Variants in ZFP1 observed in about 807,000 individuals in gnomAD.
ZFP1 encodes the protein ZFP1 zinc finger protein.
A neutral mutation model predicts 38.5 loss-of-function variants in ZFP1; 32 were observed. The ratio of observed to expected loss-of-function variants is 0.83; its 90% CI spans 0.63 to 1.12. The LOEUF (loss-of-function observed/expected upper bound fraction) is 1.12. ZFP1 is among the 50% of genes most tolerant of loss of function. ZFP1 has a pLI of 0.00. For missense variants in ZFP1, 616 were observed against 480.8 expected, an observed-to-expected ratio of 1.28 and a Z score of -2.63; for synonymous variants, 245 against 168.8, an observed-to-expected ratio of 1.45 and a Z score of -3.50.
At chr16:75,140,233 A>G in the ZFP1 span, among the ~76,000 whole-genome samples, 2 of 151,086 alleles carry the variant, frequency 1.3e-5, no homozygotes, top group African/African-American at 4.9e-5. Context: ...ACGCCATTGC[A>G]CTCCAGCCTG....
In ZFP1 at chr16:75,167,783, G is replaced by C. The variant is rs946968014; in HGVS notation, c.142+887G>C. On this transcript the variant is annotated intron_variant, in intron 3 of 3. Coordinates refer to ENST00000570010, the MANE Select transcript of ZFP1 (RefSeq NM_153688.4). Reference sequence around the variant, plus strand: ...CTGCTAATTATTTTTTACTTTTGTAGAGACAAGTTCTCTGTAGAACTCCTG... The same window carrying C: ...CTGCTAATTATTTTTTACTTTTGTACAGACAAGTTCTCTGTAGAACTCCTG... Among the ~76,000 whole-genome samples the C allele has an allele frequency of 3.3e-5, 5 of 151,836 alleles. No homozygotes were observed. The East Asian group carries it at 9.7e-4, about 30-fold the overall frequency.
intron 3 of ZFP1, among the ~76,000 whole-genome samples, chr16:75,168,539 C>T (rs2038226438): frequency 1.6e-5 from 1 of 63,238 alleles, no homozygotes; most frequent in Admixed American, 2.0e-4. Flanking sequence ...CTCCCAGCAA[C>T]TTCAGTAGAA....
intron 2 of ZFP1, among the ~76,000 whole-genome samples, chr16:75,164,805 A>C (rs182158122): frequency 1.3e-5 from 1 of 76,018 alleles, no homozygotes; most frequent in Non-Finnish European, 2.6e-5. Flanking sequence ...TTTAGTTTCC[A>C]TAAGTTTTTT....
At chr16:75,165,046 C>A (rs1312140270) in intron 2 of ZFP1, among the ~76,000 whole-genome samples, 1 of 152,084 alleles carries the variant, frequency 6.6e-6, no homozygotes, top group African/African-American at 2.4e-5. Flanking sequence ...CTCAGGTGAT[C>A]CACCCACTTC....
rs1313715423 is a variant in ZFP1, at chr16:75,171,573, T to A, written c.*1239T>A. On this transcript the variant is annotated 3_prime_UTR_variant, in exon 4 of 4. Transcript: ENST00000570010. The stretch of plus-strand genomic sequence containing the variant: ...TGGTCTCTCCAGATATTAACAAGAA[T>A]TGTTGTGTAACTCAAAGATTTGCTT... 1.3e-5 allele frequency: 2 copies of A among 152,356 alleles called. No homozygotes were observed. The highest frequency in any genetic ancestry group is 3.9e-4 in the East Asian group (2 of 5,194). 9.4% of individuals were successfully genotyped at this position (152,356 alleles called of 1,614,324 possible). A position where few individuals can be genotyped will look rare whatever the true frequency, so the allele number is the denominator to read the frequency against.
chr16:75,140,103 T>C, the ZFP1 span, among the ~76,000 whole-genome samples: 3 of 152,090 alleles, frequency 2.0e-5, no homozygotes, highest in African/African-American at 7.2e-5. Context: ...ACCCCGTCTC[T>C]ACTAAAAACA....
At chr16:75,153,020 A>G in intron 2 of ZFP1, 54 bp downstream of exon 2, 2 of 1,600,948 alleles carry the variant, frequency 1.2e-6, no homozygotes. Flanking sequence ...AAGGAAGTTT[A>G]TAAGGATCCA....
chr16:75,154,141 G>A (rs1038985506), intron 2 of ZFP1, among the ~76,000 whole-genome samples: 16 of 152,242 alleles, frequency 1.1e-4, no homozygotes, highest in African/African-American at 3.4e-4. Context: ...GGAGAATGGC[G>A]TGAAGCCAGG....
At chr16:75,141,456 C>T in the ZFP1 span, among the ~76,000 whole-genome samples, 3,794 of 151,902 alleles carry the variant, frequency 0.025, 153 homozygotes, top group African/African-American at 0.087. Flanking sequence ...CCGCCCGCCT[C>T]GGCCTCCCAA....
chr16:75,154,727 G>A (rs1035309475), intron 2 of ZFP1, among the ~76,000 whole-genome samples: 3 of 152,068 alleles, frequency 2.0e-5, no homozygotes, highest in Non-Finnish European at 2.9e-5. Context: ...GAGTTTCTAC[G>A]GCCCTGCATC....
At chr16:75,163,228 A>G (rs1225437315) in intron 2 of ZFP1, among the ~76,000 whole-genome samples, 1 of 151,960 alleles carries the variant, frequency 6.6e-6, no homozygotes, top group Non-Finnish European at 1.5e-5. Context: ...TATTACAAAA[A>G]TCATACATTA....
intron 2 of ZFP1, among the ~76,000 whole-genome samples, chr16:75,165,012 T>C (rs2145565924): frequency 6.6e-6 from 1 of 152,178 alleles, no homozygotes; most frequent in South Asian, 2.1e-4. Flanking sequence ...TCCATTTTGG[T>C]CAGGCTGGTT....
chr16:75,166,425 C>T (rs970150331), intron 2 of ZFP1: 24 of 384,342 alleles, frequency 6.2e-5, no homozygotes, highest in Non-Finnish European at 8.5e-5. Context: ...GGGATTTCAC[C>T]ATGTTGTCCA....
intron 2 of ZFP1, among the ~76,000 whole-genome samples, chr16:75,158,657 G>A (rs1396852323): frequency 1.3e-5 from 2 of 148,704 alleles, no homozygotes; most frequent in Non-Finnish European, 3.0e-5. Flanking sequence ...TACAGGCATA[G>A]GTGAATTTCA....
At chr16:75,136,148 C>T in the ZFP1 span, among the ~76,000 whole-genome samples, 5 of 152,062 alleles carry the variant, frequency 3.3e-5, no homozygotes, top group African/African-American at 7.2e-5. Flanking sequence ...TTTAGGAAGT[C>T]GGGGGAGTCC....
intron 2 of ZFP1, among the ~76,000 whole-genome samples, chr16:75,157,440 C>T (rs1330282230): frequency 1.3e-5 from 2 of 151,852 alleles, no homozygotes; most frequent in African/African-American, 2.4e-5. Context: ...GACGGGATTT[C>T]ACCCTGTTGG....
intron 2 of ZFP1, among the ~76,000 whole-genome samples, chr16:75,153,515 G>C (rs1188678301): frequency 6.6e-6 from 1 of 152,074 alleles, no homozygotes; most frequent in Non-Finnish European, 1.5e-5. Context: ...ATACTGTTCT[G>C]TTTATATGCG....
the ZFP1 span, among the ~76,000 whole-genome samples, chr16:75,138,917 A>T: frequency 6.6e-6 from 1 of 152,200 alleles, no homozygotes; most frequent in Non-Finnish European, 1.5e-5. Context: ...TAGGAAATTA[A>T]TGCCAGATCC....
the ZFP1 span, among the ~76,000 whole-genome samples, chr16:75,126,601 A>G: frequency 6.6e-6 from 1 of 152,166 alleles, no homozygotes; most frequent in Admixed American, 6.5e-5. Context: ...ATGGGGTTTC[A>G]CCATGTTGGC....
Sources: gnomAD v4.1 joint callset for allele counts (sites outside exome capture counted in the v4.1 genomes callset) on GRCh38, gnomAD v4.1.1 for gene constraint, MANE v1.5 for transcripts, NCBI Gene and HGNC (gene_info 2026-07-23, HGNC 2026-07-21) for gene names.